SPHKAP: variants seen among roughly 807,000 people sequenced by gnomAD.
SPHKAP encodes the protein SPHK1 interactor, AKAP domain containing.
In SPHKAP, 67 loss-of-function variants were observed where a neutral mutation model predicts 137.5. The observed-to-expected ratio is 0.49, with a 90% CI of 0.40 to 0.60. The LOEUF is 0.60. Ranked by LOEUF, SPHKAP falls within the 20% of genes least tolerant of loss-of-function variation. SPHKAP has a pLI of 0.00. For missense variants in SPHKAP, 2,097 were observed against 2,069.3 expected, an observed-to-expected ratio of 1.01 and a Z score of -0.26; for synonymous variants, 813 against 785.3, an observed-to-expected ratio of 1.04 and a Z score of -0.59.
intron 3 of SPHKAP, among the ~76,000 whole-genome samples, chr2:228,037,300 C>T (rs916677935): frequency 6.6e-6 from 1 of 152,154 alleles, no homozygotes; most frequent in African/African-American, 2.4e-5. Flanking sequence ...GACTGGGCAT[C>T]AAAGAGGACC....
intron 2 of SPHKAP, among the ~76,000 whole-genome samples, chr2:228,111,905 A>C (rs1420115802): frequency 6.6e-6 from 1 of 152,028 alleles, no homozygotes; most frequent in East Asian, 1.9e-4. Flanking sequence ...TTTTTTTGTA[A>C]ATAAAACTAC....
chr2:228,010,708 CATT>C (rs1358917057), intron 7 of SPHKAP, among the ~76,000 whole-genome samples: 34 of 152,090 alleles, frequency 2.2e-4, no homozygotes, highest in East Asian at 3.9e-4. Flanking sequence ...TTTTTAATTT[CATT>C]ATACTTTTCG....
intron 3 of SPHKAP, among the ~76,000 whole-genome samples, chr2:228,033,149 A>C (rs1441875744): frequency 3.3e-5 from 5 of 152,174 alleles, no homozygotes; most frequent in Admixed American, 6.5e-5. Flanking sequence ...ACGTGCAGAG[A>C]CACACATAGG....
chr2:227,987,332 C>T (rs892662551), intron 11 of SPHKAP, among the ~76,000 whole-genome samples: 1 of 152,172 alleles, frequency 6.6e-6, no homozygotes, highest in African/African-American at 2.4e-5. Context: ...AAAAAGTCCC[C>T]ATCGTATCTC....
chr2:228,072,619 C>T (rs1275957290), intron 3 of SPHKAP, among the ~76,000 whole-genome samples: 1 of 152,154 alleles, frequency 6.6e-6, no homozygotes, highest in East Asian at 1.9e-4. Context: ...CTAATGACTT[C>T]TGAAGATAGG....
At chr2:228,175,760 A>G (rs958008342) in intron 1 of SPHKAP, among the ~76,000 whole-genome samples, 1 of 152,212 alleles carries the variant, frequency 6.6e-6, no homozygotes, top group East Asian at 1.9e-4. Flanking sequence ...AAGGTAAGAT[A>G]CAATACCCTA....
intron 3 of SPHKAP, among the ~76,000 whole-genome samples, chr2:228,051,095 G>A (rs1696240156): frequency 6.6e-6 from 1 of 152,008 alleles, no homozygotes; most frequent in South Asian, 2.1e-4. Flanking sequence ...ATGAGCCACT[G>A]CACCTGGCCA....
At chr2:228,034,805 A>G (rs1012892274) in intron 3 of SPHKAP, among the ~76,000 whole-genome samples, 2 of 152,250 alleles carry the variant, frequency 1.3e-5, no homozygotes, top group African/African-American at 2.4e-5. Flanking sequence ...ATAGATGCAG[A>G]AAAGGCTTTC....
chr2:228,047,840 A>T (rs1696121465), intron 3 of SPHKAP, among the ~76,000 whole-genome samples: 1 of 152,182 alleles, frequency 6.6e-6, no homozygotes, highest in South Asian at 2.1e-4. Flanking sequence ...ACAAACTAAA[A>T]ATTGATACTG....
chr2:227,997,194 G>T (rs1217025562), intron 7 of SPHKAP, among the ~76,000 whole-genome samples: 1 of 152,208 alleles, frequency 6.6e-6, no homozygotes, highest in Admixed American at 6.5e-5. Context: ...GGCTCCCCCT[G>T]CTTATCAAGT....
intron 2 of SPHKAP, among the ~76,000 whole-genome samples, chr2:228,120,613 T>C (rs1053427022): frequency 6.6e-6 from 1 of 152,168 alleles, no homozygotes; most frequent in South Asian, 2.1e-4. Context: ...ACTCATATTC[T>C]GGAAGCTACA....
intron 11 of SPHKAP, among the ~76,000 whole-genome samples, chr2:227,988,253 G>C (rs144819667): frequency 1.6e-3 from 238 of 152,268 alleles, no homozygotes; most frequent in South Asian, 7.3e-3. Flanking sequence ...TATGTGCAGA[G>C]AGTCTTAGAT....
chr2:228,155,566 T>C (rs1324827882), intron 1 of SPHKAP, among the ~76,000 whole-genome samples: 1 of 152,168 alleles, frequency 6.6e-6, no homozygotes, highest in Non-Finnish European at 1.5e-5. Context: ...AAGCAGAGCA[T>C]GAAATTTTCC....
chr2:228,038,019 T>C (rs1045295231), intron 3 of SPHKAP, among the ~76,000 whole-genome samples: 6 of 151,814 alleles, frequency 4.0e-5, no homozygotes, highest in African/African-American at 1.2e-4. Flanking sequence ...AGCTGGGGAG[T>C]GGTGAGCCTG....
intron 2 of SPHKAP, among the ~76,000 whole-genome samples, chr2:228,120,723 T>C (rs888716966): frequency 6.6e-5 from 10 of 152,216 alleles, no homozygotes; most frequent in Non-Finnish European, 7.3e-5. Flanking sequence ...ACACTACTTC[T>C]GTCATATCAC....
At chr2:228,042,152 C>T (rs1314815147) in intron 3 of SPHKAP, among the ~76,000 whole-genome samples, 1 of 152,134 alleles carries the variant, frequency 6.6e-6, no homozygotes, top group Non-Finnish European at 1.5e-5. Context: ...CTGGCTTACT[C>T]CTGGAAGGAG....
At position 227,980,389 on chromosome 2, in the gene SPHKAP, C is replaced by T. The variant is rs1478712392; in HGVS notation, c.*1328G>A. On this transcript the variant is annotated 3_prime_UTR_variant, in exon 12 of 12. Coordinates refer to ENST00000392056, the MANE Select transcript of SPHKAP (RefSeq NM_001142644.2). The stretch of plus-strand genomic sequence containing the variant: ...AGCATTCATGGTATGGGAACCTGTT[C>T]ACATTTAAAATTACTTTGTGATCTT... The T allele has an allele frequency of 6.6e-6, 1 of 152,090 alleles. No individual in the cohort carries two copies. The highest frequency in any genetic ancestry group is 2.4e-5 in the African/African-American group (1 of 41,408). 9.4% of individuals were successfully genotyped at this position (152,090 alleles called of 1,614,324 possible). A position where few individuals can be genotyped will look rare whatever the true frequency, so the allele number is the denominator to read the frequency against.
At chr2:227,996,002 T>G (rs1693629035) in intron 7 of SPHKAP, 1 of 985,234 alleles carries the variant, frequency 1.0e-6, no homozygotes, top group Non-Finnish European at 1.2e-6. Context: ...CAATGATGTT[T>G]AAAAAGAAGA....
At chr2:228,075,966 C>T (rs1697167656) in intron 3 of SPHKAP, among the ~76,000 whole-genome samples, 1 of 152,262 alleles carries the variant, frequency 6.6e-6, no homozygotes, top group East Asian at 1.9e-4. Flanking sequence ...CCCACAATTC[C>T]CTCGTGTTGT....
Sources: gnomAD v4.1 joint callset for allele counts (sites outside exome capture counted in the v4.1 genomes callset) on GRCh38, gnomAD v4.1.1 for gene constraint, MANE v1.5 for transcripts, NCBI Gene and HGNC (gene_info 2026-07-23, HGNC 2026-07-21) for gene names.